The following ETV3 variants were observed in gnomAD, a reference collection of about 807,000 sequenced individuals.
ETV3 encodes the protein ETS translocation variant 3.
ETV3 carries 8 observed loss-of-function variants against 33.0 expected under a neutral mutation model. That is an observed-to-expected ratio of 0.24 (90% confidence interval 0.14 to 0.44). The LOEUF (loss-of-function observed/expected upper bound fraction) is 0.44, where lower values mean the gene tolerates loss of function less well. ETV3 is among the 20% of genes least tolerant of loss of function. The pLI, the probability that ETV3 is intolerant of heterozygous loss-of-function variation, is 1.00. For missense variants in ETV3, 473 were observed against 652.3 expected, an observed-to-expected ratio of 0.73 and a Z score of 2.99; for synonymous variants, 222 against 238.9, an observed-to-expected ratio of 0.93 and a Z score of 0.65.
At chr1:157,128,496 G>C in intron 4 of ETV3, 1 of 298,950 alleles carries the variant, frequency 3.3e-6, no homozygotes, top group Non-Finnish European at 6.7e-6. Context: ...TCAGGCCACT[G>C]GATTCTCTTA....
intron 4 of ETV3, among the ~76,000 whole-genome samples, chr1:157,129,375 T>C (rs1674919211): frequency 6.6e-6 from 1 of 152,254 alleles, no homozygotes; most frequent in African/African-American, 2.4e-5. Flanking sequence ...AGTTATAATT[T>C]GGGATTGCCT....
At chr1:157,138,167 C>T (rs1417276977) in intron 1 of ETV3, 149 bp downstream of exon 1, 3 of 151,872 alleles carry the variant, frequency 2.0e-5, no homozygotes, top group East Asian at 2.0e-4. Context: ...GACACGGGAT[C>T]CCACCCTCCC....
rs200902536 is a variant in ETV3, at chr1:157,125,010, T to G, written c.1370A>C (p.Lys457Thr). The G allele has an allele frequency of 6.3e-5, 97 of 1,551,632 alleles. No individual in the cohort carries two copies. Among genetic ancestry groups the G allele is most frequent in the Non-Finnish European group, 7.0e-6 (8 of 1,146,992 alleles). ...VTEDSEDRPGKEPSAPEKKED... is the reference protein window; with the variant it reads ...VTEDSEDRPGTEPSAPEKKED... ...TTTCTTCTCAGGTGCACTGGGCTCT[T>G]TGCCAGGCCTATCCTCACTGTCTTC... is the stretch of plus-strand genomic sequence containing the variant. Residue 457 changes from lysine to threonine, a missense_variant, in exon 5 of 5, where the codon AAA (lysine) becomes ACA (threonine). Lys to Thr is a moderately conservative substitution (Grantham distance 78). This residue lies in a region of ETV3 where 410 missense variants were observed against 520.2 expected (regional missense o/e 0.79). Coordinates refer to ENST00000368192, the MANE Select transcript of ETV3 (RefSeq NM_001145312.3). This position sits in a 1 kb window ranked among gnomAD's most constrained non-coding sequence, Gnocchi z 4.0.
At chr1:157,137,697 A>G (rs905416115) in intron 1 of ETV3, among the ~76,000 whole-genome samples, 2 of 152,016 alleles carry the variant, frequency 1.3e-5, no homozygotes, top group African/African-American at 4.8e-5. Flanking sequence ...GCGCTGTCAG[A>G]TCGCGAGGCC....
intron 4 of ETV3, chr1:157,133,191 T>A (rs1558031693): frequency 6.3e-6 from 1 of 157,986 alleles, no homozygotes; most frequent in Non-Finnish European, 1.4e-5. Context: ...TTGTTATAAT[T>A]TTTCTATTTT....
rs764546171 is a variant in ETV3 at position 157,123,199 on chromosome 1, G to C, written c.*1642C>G. 1 of 152,150 alleles carries C rather than the reference G, an allele frequency of 6.6e-6. No individual in the cohort carries two copies. Among genetic ancestry groups the C allele is most frequent in the Non-Finnish European group, 1.5e-5 (1 of 68,056 alleles). The allele number at this position is 152,150 out of a possible 1,614,324, so 9.4% of individuals were successfully genotyped here. On this transcript the variant is annotated 3_prime_UTR_variant, in exon 5 of 5. Transcript: ENST00000368192. ...CGGATATGGAGTGATTTCTTCTCTC[G>C]CTGCTGCGACGCAGATCTGAGCCAC...
At chr1:157,135,780 C>T in intron 2 of ETV3, 72 bp from the exon 3 acceptor site, 2 of 1,410,100 alleles carry the variant, frequency 1.4e-6, no homozygotes, top group African/African-American at 2.8e-5. Context: ...CCCAACTGCA[C>T]ATTCCACTGC....
chr1:157,135,634 T>A lies in ETV3; in HGVS notation c.121A>T (p.Ile41Phe). 2 of 1,614,188 alleles carry A rather than the reference T, an allele frequency of 1.2e-6. No homozygotes were observed. Among genetic ancestry groups the A allele is most frequent in the Non-Finnish European group, 1.7e-6 (2 of 1,180,032 alleles). The change falls in exon 3 of 5, where the codon ATC becomes TTC. Residue 41 changes from isoleucine to phenylalanine, a missense_variant. By Grantham distance (21) the Ile-to-Phe change is conservative (BLOSUM62 0). This residue lies in a region of ETV3 where 30 missense variants were observed against 94.9 expected (regional missense o/e 0.32). Coordinates refer to ENST00000368192, the MANE Select transcript of ETV3 (RefSeq NM_001145312.3). The part of the protein sequence containing the change: ...GSRQIQLWHF[I>F]LELLQKEEFR... ...TCTTCCTTCTGCAGCAGCTCCAGGA[T>A]GAAGTGCCACAGCTGGATCTGCCGG...
At chr1:157,134,047 T>C (rs756506856) in intron 4 of ETV3, 65 bp downstream of exon 4, 31 of 1,586,374 alleles carry the variant, frequency 2.0e-5, no homozygotes, top group Non-Finnish European at 2.6e-5. Context: ...ATGTCTTAGA[T>C]TTGGATTTTT....
In ETV3 at chr1:157,132,866, A is replaced by C. The variant is rs141383755; in HGVS notation, c.400+1246T>G. On this transcript the variant is annotated intron_variant, in intron 4 of 4. Coordinates refer to ENST00000368192, the MANE Select transcript of ETV3 (RefSeq NM_001145312.3). ...AACTGCCCTAACTTGTTGTGTAGTA[A>C]TTACATATCTGCAATGGATCTCAAC... Among the ~76,000 whole-genome samples the C allele has an allele frequency of 2.6e-5, 4 of 152,258 alleles. No individual in the cohort carries two copies. The East Asian group carries it at 7.7e-4, about 29-fold the overall frequency.
chr1:157,133,889 G>C, intron 4 of ETV3: 1 of 1,374,994 alleles, frequency 7.3e-7, no homozygotes, highest in Non-Finnish European at 9.3e-7. Context: ...ATGCAGAAAA[G>C]GGAACCAACC....
At position 157,124,883 on chromosome 1, in the gene ETV3, C is replaced by G. The variant is rs774935060; in HGVS notation, c.1497G>C (p.Gly499=). ...LSKSGKFLWN[G]SGPQGLATAA... is the part of the protein sequence containing the mutation. ...CTGTTGCCAAGCCCTGGGGTCCTGA[C>G]CCATTCCAGAGAAACTTGCCACTCT... is the stretch of plus-strand genomic sequence containing the variant. Residue 499 remains glycine, a synonymous_variant, in exon 5 of 5, where the codon GGG becomes GGC. Transcript: ENST00000368192. 35 of 1,550,882 alleles carry G rather than the reference C, an allele frequency of 2.3e-5. No individual in the cohort carries two copies. In the African/African-American group the frequency reaches 4.8e-4, roughly 21 times the overall value.
intron 4 of ETV3, among the ~76,000 whole-genome samples, chr1:157,131,454 G>GGCATATCT: frequency 6.6e-6 from 1 of 152,084 alleles, no homozygotes. Flanking sequence ...TATTAAACCC[G>GGCATATCT]GCATATCTTA....
At chr1:157,134,305 C>T (rs1675043002) in intron 3 of ETV3, 78 bp from the exon 4 acceptor site, 1 of 1,534,004 alleles carries the variant, frequency 6.5e-7, no homozygotes, top group African/African-American at 1.4e-5. Flanking sequence ...CCACTGAGAC[C>T]AACAATTCTT....
intron 4 of ETV3, 119 bp from the exon 5 acceptor site, chr1:157,126,098 T>C: frequency 2.1e-6 from 2 of 931,194 alleles, no homozygotes; most frequent in South Asian, 3.5e-5. Flanking sequence ...CCAACTGGAC[T>C]GAATCCCACA....
intron 1 of ETV3, among the ~76,000 whole-genome samples, chr1:157,137,512 ACACACACACACACACAC>A (rs1558033154): frequency 2.0e-3 from 71 of 35,728 alleles, no homozygotes; most frequent in African/African-American, 0.015. Flanking sequence ...AAGGAAAAAC[ACACACACACACACACAC>A]ACACACACAC....
intron 1 of ETV3, among the ~76,000 whole-genome samples, chr1:157,137,288 C>T (rs766494614): frequency 6.6e-6 from 1 of 152,112 alleles, no homozygotes; most frequent in Non-Finnish European, 1.5e-5. Context: ...GACAGGCCCT[C>T]AGCATCCACA....
At chr1:157,136,157 G>A in intron 2 of ETV3, 150 bp downstream of exon 2, 3 of 778,712 alleles carry the variant, frequency 3.9e-6, no homozygotes, top group Non-Finnish European at 6.7e-6. Flanking sequence ...ACATCCATAG[G>A]AAACAAGCCT....
In ETV3 at chr1:157,124,981, C is replaced by A. The variant is rs1674793612; in HGVS notation, c.1399G>T (p.Asp467Tyr). ...CGAAGCTTGGGGGGCATCAGTGCAT[C>A]TTCTTTCTTCTCAGGTGCACTGGGC... ...KEPSAPEKKE[D>Y]ALMPPKLRLK... Residue 467 changes from aspartate (D) to tyrosine (Y), a missense_variant, in exon 5 of 5, where the codon GAT (aspartate) becomes TAT (tyrosine). Coordinates refer to ENST00000368192, the MANE Select transcript of ETV3 (RefSeq NM_001145312.3). The A allele has an allele frequency of 6.4e-7, 1 of 1,551,696 alleles. No homozygotes were observed.
Sources: allele counts gnomAD v4.1 joint callset (sites outside exome capture counted in the v4.1 genomes callset), GRCh38; gene constraint gnomAD v4.1.1; regional missense constraint gnomAD v4.1.1; non-coding constraint Gnocchi (gnomAD v3.1); transcripts MANE v1.5; gene names NCBI Gene and HGNC (gene_info 2026-07-23, HGNC 2026-07-21).